The following R3HDM1 variants were observed in gnomAD, a reference collection of about 807,000 sequenced individuals.
R3HDM1 encodes R3H domain-containing protein 1.
In R3HDM1, 46 loss-of-function variants were observed where a neutral mutation model predicts 141.1. That is an observed-to-expected ratio of 0.33 (90% confidence interval 0.26 to 0.42). R3HDM1 has a LOEUF of 0.42. R3HDM1 is among the 10% of genes least tolerant of loss of function. R3HDM1 has a pLI of 1.00. For missense variants in R3HDM1, 1,184 were observed against 1,368.3 expected, an observed-to-expected ratio of 0.87 and a Z score of 2.12; for synonymous variants, 435 against 472.9, an observed-to-expected ratio of 0.92 and a Z score of 1.04.
At position 135,724,257 on chromosome 2, in the gene R3HDM1, G is replaced by A; in HGVS notation, c.3370G>A (p.Asp1124Asn). Reference sequence around the variant, plus strand: ...GCTGAGAACAAGCAAGAAGCACTATGACTTTCACATTTTGGAAAGGGCAAG... The same window carrying A: ...GCTGAGAACAAGCAAGAAGCACTATAACTTTCACATTTTGGAAAGGGCAAG... Reference protein sequence around the residue: ...FKLRTSKKHYDFHILERASSQ With the variant: ...FKLRTSKKHYNFHILERASSQ Residue 1124 changes from aspartate (D) to asparagine (N), a missense_variant, in exon 27 of 27, where the codon GAC (aspartate) becomes AAC (asparagine). Physicochemically the swap from Asp to Asn is conservative, Grantham distance 23. Transcript: ENST00000683871. 6.2e-7 allele frequency: 1 copy of A among 1,613,498 alleles called. No homozygotes were observed. Among genetic ancestry groups the A allele is most frequent in the Non-Finnish European group, 8.5e-7 (1 of 1,179,764 alleles).
chr2:135,583,222 C>G (rs1461832335), intron 1 of R3HDM1, among the ~76,000 whole-genome samples: 1 of 152,124 alleles, frequency 6.6e-6, no homozygotes, highest in Non-Finnish European at 1.5e-5. Flanking sequence ...GTAATTTTCC[C>G]AGTTTTTTCC....
chr2:135,540,473 T>G lies in R3HDM1; in HGVS notation c.-250+8840T>G, dbSNP rs542079708. On this transcript the variant is annotated intron_variant, in intron 1 of 26. Coordinates refer to ENST00000683871, the MANE Select transcript of R3HDM1 (RefSeq NM_001378107.1). ...GGAGGTGTTGCTCTGTTGCCCAGGT[T>G]GGAGTGTAGTGCTGCTGTCATAGCT... 8.5e-5 allele frequency among the ~76,000 whole-genome samples: 13 copies of G among 152,374 alleles called. No individual in the cohort carries two copies. The East Asian group carries it at 2.1e-3, about 25-fold the overall frequency.
rs552613032 is a variant in R3HDM1, at chr2:135,702,962, G to C, written c.2460-6471G>C. 7.2e-5 allele frequency among the ~76,000 whole-genome samples: 11 copies of C among 152,248 alleles called. No individual in the cohort carries two copies. In the South Asian group the frequency reaches 2.3e-3, roughly 32 times the overall value. ...CACTTCATTGACCCACTAAAGTGCT[G>C]TCTCTAACAGATCTGCTAATACGCT... On this transcript the variant is annotated intron_variant, in intron 21 of 26. Coordinates refer to ENST00000683871, the MANE Select transcript of R3HDM1 (RefSeq NM_001378107.1).
In R3HDM1 at chr2:135,724,140, G is replaced by A; in HGVS notation, c.3253G>A (p.Ala1085Thr). 1 of 1,613,970 alleles carries A rather than the reference G, an allele frequency of 6.2e-7. No individual in the cohort carries two copies. The highest frequency in any genetic ancestry group is 2.2e-5 in the East Asian group (1 of 44,872). Residue 1085 changes from alanine to threonine, a missense_variant, in exon 27 of 27, where the codon GCC (alanine) becomes ACC (threonine). Coordinates refer to ENST00000683871, the MANE Select transcript of R3HDM1 (RefSeq NM_001378107.1). ...TGAACGCTCTAAACCCAGTGACTTG[G>A]CCTCCACCTACACCGTCTTAGCCAC... ...NPERSKPSDL[A>T]STYTVLATFP...
At chr2:135,544,074 G>C (rs920887022) in intron 1 of R3HDM1, among the ~76,000 whole-genome samples, 4 of 152,084 alleles carry the variant, frequency 2.6e-5, no homozygotes, top group Admixed American at 6.5e-5. Context: ...CTCCTTTTAG[G>C]GATTTTGTAA....
At chr2:135,593,877 A>C (rs1709939067) in intron 1 of R3HDM1, among the ~76,000 whole-genome samples, 1 of 151,656 alleles carries the variant, frequency 6.6e-6, no homozygotes, top group Non-Finnish European at 1.5e-5. Context: ...GCACCACCAC[A>C]CCCAGCTAAT....
chr2:135,620,691 A>G, intron 5 of R3HDM1: 2 of 942,702 alleles, frequency 2.1e-6, no homozygotes, highest in South Asian at 9.8e-5. Flanking sequence ...CTGGTGTAGA[A>G]TTTATTATAG....
At position 135,531,493 on chromosome 2, in the gene R3HDM1, G is replaced by C; in HGVS notation, c.-390G>C. 2 of 985,874 alleles carry C rather than the reference G, an allele frequency of 2.0e-6. No individual in the cohort carries two copies. The highest frequency in any genetic ancestry group is 2.4e-6 in the Non-Finnish European group (2 of 830,036). The allele number at this position is 985,874 out of a possible 1,614,324, so 61.1% of individuals were successfully genotyped here. On this transcript the variant is annotated 5_prime_UTR_variant, in exon 1 of 27. Transcript: ENST00000683871. ...GGTGGGAAGGGGCGGGATTCTGCCA[G>C]CCGCGGCTGCCGCTGGAGCCGGTGT...
intron 3 of R3HDM1, among the ~76,000 whole-genome samples, chr2:135,609,464 A>T (rs1388491616): frequency 6.6e-6 from 1 of 152,190 alleles, no homozygotes; most frequent in Non-Finnish European, 1.5e-5. Context: ...ATTATCTGAC[A>T]GGTTTTTGGT....
intron 18 of R3HDM1, among the ~76,000 whole-genome samples, chr2:135,653,216 C>T (rs1253598145): frequency 2.0e-5 from 3 of 151,928 alleles, no homozygotes; most frequent in Non-Finnish European, 2.9e-5. Context: ...ATTAGCTGGG[C>T]GTGGTGGTGC....
At chr2:135,646,753 G>T (rs1235464882) in intron 16 of R3HDM1, among the ~76,000 whole-genome samples, 1 of 151,286 alleles carries the variant, frequency 6.6e-6, no homozygotes, top group Non-Finnish European at 1.5e-5. Context: ...GGAGGCTGAG[G>T]CAGGAGAATC....
intron 18 of R3HDM1, among the ~76,000 whole-genome samples, chr2:135,658,836 T>A (rs926220649): frequency 2.6e-5 from 4 of 152,208 alleles, no homozygotes; most frequent in African/African-American, 4.8e-5. Flanking sequence ...TAATTTTTTT[T>A]AATTAAAAAC....
chr2:135,624,696 G>C (rs2061832850), intron 7 of R3HDM1, among the ~76,000 whole-genome samples: 1 of 152,166 alleles, frequency 6.6e-6, no homozygotes, highest in Admixed American at 6.5e-5. Context: ...ATTTTAAATA[G>C]GGCCATACCA....
intron 21 of R3HDM1, among the ~76,000 whole-genome samples, chr2:135,687,143 C>T (rs1278909094): frequency 2.0e-5 from 3 of 152,074 alleles, no homozygotes; most frequent in Non-Finnish European, 4.4e-5. Context: ...TGCAGTGAGC[C>T]GAGATAGTGC....
intron 1 of R3HDM1, among the ~76,000 whole-genome samples, chr2:135,575,091 G>A (rs1705086556): frequency 6.6e-6 from 1 of 152,214 alleles, no homozygotes; most frequent in African/African-American, 2.4e-5. Flanking sequence ...AACTTTTTAA[G>A]CAGTCACACG....
chr2:135,710,209 G>A lies in R3HDM1; in HGVS notation c.2714G>A (p.Ser905Asn). ...AGAGGACAGAAGTGTGTAGAATTTAGCAGTGTAGACAATATTGTCCAGGTA... is the reference window on the plus strand; with the variant it reads ...AGAGGACAGAAGTGTGTAGAATTTAACAGTGTAGACAATATTGTCCAGGTA... ...HQRGQKCVEF[S>N]SVDNIVQHSP... Residue 905 changes from serine to asparagine, a missense_variant, in exon 23 of 27, where the codon AGC (serine) becomes AAC (asparagine). Physicochemically the swap from Ser to Asn is conservative, Grantham distance 46. Coordinates refer to ENST00000683871, the MANE Select transcript of R3HDM1 (RefSeq NM_001378107.1). 2 of 1,613,968 alleles carry A rather than the reference G, an allele frequency of 1.2e-6. No individual in the cohort carries two copies. The highest frequency in any genetic ancestry group is 1.1e-5 in the South Asian group (1 of 91,048).
Position 135,724,452 on chromosome 2 carries a change from A to G in R3HDM1, c.*160A>G, listed in dbSNP as rs1328673402. 3.6e-6 allele frequency: 2 copies of G among 561,648 alleles called. No individual in the cohort carries two copies. The highest frequency in any genetic ancestry group is 6.1e-6 in the Non-Finnish European group (2 of 325,256). 34.8% of individuals were successfully genotyped at this position (561,648 alleles called of 1,614,324 possible). On this transcript the variant is annotated 3_prime_UTR_variant, in exon 27 of 27. Transcript: ENST00000683871. ...AAGGCCAGTGATCCAGCAAAGGGGGAAAAATATGCATTTCACCCCACATGA... is the reference window on the plus strand; with the variant it reads ...AAGGCCAGTGATCCAGCAAAGGGGGGAAAATATGCATTTCACCCCACATGA...
intron 1 of R3HDM1, chr2:135,581,453 G>A: frequency 1.1e-6 from 1 of 941,224 alleles, no homozygotes; most frequent in Non-Finnish European, 1.3e-6. Flanking sequence ...TTTCACCATT[G>A]GTTGTGGACT....
intron 3 of R3HDM1, among the ~76,000 whole-genome samples, chr2:135,615,869 C>G (rs544745423): frequency 6.6e-6 from 1 of 152,226 alleles, no homozygotes; most frequent in African/African-American, 2.4e-5. Context: ...CATATAAGTT[C>G]CATTGTACTC....
Sources: allele counts gnomAD v4.1 joint callset (sites outside exome capture counted in the v4.1 genomes callset), GRCh38; gene constraint gnomAD v4.1.1; transcripts MANE v1.5; gene names NCBI Gene and HGNC (gene_info 2026-07-23, HGNC 2026-07-21).